GCFC2: variants seen among roughly 807,000 people sequenced by gnomAD.
The protein encoded by GCFC2 is GC-rich sequence DNA-binding factor 2, also known as intron Large complex component GCFC2.
A neutral mutation model predicts 99.4 loss-of-function variants in GCFC2; 102 were observed. The observed-to-expected ratio is 1.03, with a 90% CI of 0.87 to 1.21. The LOEUF is 1.21. Among genes scored for constraint, GCFC2 ranks in the 50% most tolerant of loss-of-function variants. The pLI, the probability that GCFC2 is intolerant of heterozygous loss-of-function variation, is 0.00. For synonymous variants in GCFC2, 338 were observed against 316.8 expected (o/e 1.07, Z -0.71); for missense variants, 973 against 920.9 (o/e 1.06, Z -0.73).
chr2:75,670,934 T>A (rs140062802), intron 14 of GCFC2: 2 of 152,252 alleles, frequency 1.3e-5, no homozygotes, highest in Non-Finnish European at 2.9e-5. Flanking sequence ...TCATTGTTGA[T>A]GTTGTTCCCT....
At chr2:75,701,412 A>T (rs1441281395) in intron 3 of GCFC2, 125 bp from the exon 4 acceptor site, 3 of 617,958 alleles carry the variant, frequency 4.9e-6, no homozygotes, top group Non-Finnish European at 8.6e-6. Flanking sequence ...TCTTCATAAT[A>T]ATTCTGGGAA....
At chr2:75,691,858 G>A in intron 7 of GCFC2, 119 bp downstream of exon 7, 1 of 397,792 alleles carries the variant, frequency 2.5e-6, no homozygotes, top group Non-Finnish European at 4.1e-6. Context: ...GAAGTTGGTG[G>A]GTAAAGGGTT....
intron 4 of GCFC2, among the ~76,000 whole-genome samples, chr2:75,700,271 C>T (rs1224462858): frequency 2.0e-5 from 3 of 152,026 alleles, no homozygotes; most frequent in African/African-American, 7.3e-5. Flanking sequence ...TTAAATAAAA[C>T]ACAAAACTAT....
At chr2:75,690,548 G>A (rs1444148307) in intron 8 of GCFC2, 90 bp downstream of exon 8, 69 of 750,846 alleles carry the variant, frequency 9.2e-5, no homozygotes, top group Non-Finnish European at 1.2e-4. Flanking sequence ...ATCAGGTATA[G>A]TTAATGACAT....
chr2:75,702,444 G>C (rs1021730322), intron 2 of GCFC2, 21 bp from the exon 3 acceptor site: 9 of 1,596,432 alleles, frequency 5.6e-6, no homozygotes, highest in Non-Finnish European at 7.7e-6. Context: ...CAAAGACGAG[G>C]ACACTAAAAA....
At chr2:75,698,126 G>C (rs926594451) in intron 4 of GCFC2, 2 of 152,152 alleles carry the variant, frequency 1.3e-5, no homozygotes, top group Non-Finnish European at 1.5e-5. Context: ...AAATAAGTGT[G>C]AGATTCCATT....
intron 7 of GCFC2, chr2:75,690,928 A>C: frequency 2.4e-6 from 1 of 411,106 alleles, no homozygotes; most frequent in South Asian, 3.8e-5. Flanking sequence ...TTAGCCTAAA[A>C]ATGTACTTTG....
chr2:75,693,478 T>C (rs572668796), intron 6 of GCFC2, among the ~76,000 whole-genome samples: 43 of 151,858 alleles, frequency 2.8e-4, no homozygotes, highest in Non-Finnish European at 6.0e-4. Flanking sequence ...ATAACAAAAA[T>C]GTGGAAAGTA....
In GCFC2 at chr2:75,692,110, A is replaced by T; in HGVS notation, c.1021-10T>A. On this transcript the variant is annotated splice_polypyrimidine_tract_variant and intron_variant, in intron 6 of 16. Coordinates refer to ENST00000321027, the MANE Select transcript of GCFC2 (RefSeq NM_003203.5). ...CTTGGATGTTGATAATCTGAAATAC[A>T]CATATAAGTAACATTTTGCAGGTCA... The T allele has an allele frequency of 7.4e-7, 1 of 1,359,308 alleles. No individual in the cohort carries two copies. Among genetic ancestry groups the T allele is most frequent in the Non-Finnish European group, 9.9e-7 (1 of 1,010,214 alleles). 84.2% of individuals were successfully genotyped at this position (1,359,308 alleles called of 1,614,324 possible).
In GCFC2 at chr2:75,670,170, G is replaced by C. The variant is rs777166372; in HGVS notation, c.2071C>G (p.Pro691Ala). 1.9e-6 allele frequency: 3 copies of C among 1,606,996 alleles called. No individual in the cohort carries two copies. In the Admixed American group the frequency reaches 5.0e-5, roughly 27 times the overall value. Residue 691 changes from proline to alanine, a missense_variant, in exon 15 of 17, where the codon CCT becomes GCT. Pro to Ala is a conservative substitution (Grantham distance 27, BLOSUM62 -1). Coordinates refer to ENST00000321027, the MANE Select transcript of GCFC2 (RefSeq NM_003203.5). ...YLIIALLNAT[P>A]GPDVVKKCNQ... ...CACTTTTTAACCACATCTGGCCCAG[G>C]TGTGGCATTGAGAAGTGCTATAATA...
chr2:75,696,061 TATG>T, intron 5 of GCFC2, 136 bp downstream of exon 5: 1 of 473,968 alleles, frequency 2.1e-6, no homozygotes, highest in Non-Finnish European at 3.9e-6. Context: ...ATTGTGTTAG[TATG>T]ATAACACAGG....
At chr2:75,701,639 A>G (rs1680595404) in intron 3 of GCFC2, 1 of 155,288 alleles carries the variant, frequency 6.4e-6, no homozygotes, top group Admixed American at 6.5e-5. Context: ...CTTATCAAAG[A>G]TCTCTCAATT....
intron 12 of GCFC2, among the ~76,000 whole-genome samples, chr2:75,675,930 T>C (rs1017395551): frequency 8.6e-5 from 13 of 151,988 alleles, no homozygotes; most frequent in Non-Finnish European, 1.8e-4. Context: ...CCTTTGTGTA[T>C]ATATATATAC....
chr2:75,688,519 A>G (rs1471031463), intron 10 of GCFC2, among the ~76,000 whole-genome samples: 1 of 152,116 alleles, frequency 6.6e-6, no homozygotes, highest in Non-Finnish European at 1.5e-5. Flanking sequence ...TCCTTAACTT[A>G]GGATCTAAAT....
rs1308475751 is a variant in GCFC2 at position 75,680,239 on chromosome 2, A to C, written c.1766T>G (p.Leu589Arg). Residue 589 changes from leucine to arginine, a missense_variant, in exon 12 of 17, where the codon CTT becomes CGT. Physicochemically the swap from Leu to Arg is moderately radical, Grantham distance 102. Coordinates refer to ENST00000321027, the MANE Select transcript of GCFC2 (RefSeq NM_003203.5). ...TSLITHCRVI[L>R]EEHSTCENEV... ...ATTTTCACAAGTGGAATGTTCTTCA[A>C]GAATCACTCTGCAATGTGTTATTAA... 6.2e-7 allele frequency: 1 copy of C among 1,605,892 alleles called. No homozygotes were observed. The highest frequency in any genetic ancestry group is 8.5e-7 in the Non-Finnish European group (1 of 1,172,946).
intron 15 of GCFC2, among the ~76,000 whole-genome samples, chr2:75,667,226 TTAACGTTATAG>T: frequency 6.6e-6 from 1 of 152,292 alleles, no homozygotes; most frequent in East Asian, 1.9e-4. Context: ...TACACTTTCA[TTAACGTTATAG>T]TAACGGGTTC....
chr2:75,698,961 G>C (rs999626925), intron 4 of GCFC2, among the ~76,000 whole-genome samples: 1 of 150,070 alleles, frequency 6.7e-6, no homozygotes, highest in African/African-American at 2.5e-5. Context: ...GCAGTGAGCC[G>C]AGATCATGCC....
Position 75,663,380 on chromosome 2 carries a change from T to C in GCFC2, c.*1286A>G, listed in dbSNP as rs1372001622. The C allele has an allele frequency of 2.0e-5, 3 of 152,242 alleles. No homozygotes were observed. The East Asian group carries it at 5.8e-4, about 29-fold the overall frequency. 9.4% of individuals were successfully genotyped at this position (152,242 alleles called of 1,614,324 possible). A position where few individuals can be genotyped will look rare whatever the true frequency, so the allele number is the denominator to read the frequency against. On this transcript the variant is annotated 3_prime_UTR_variant, in exon 17 of 17. Coordinates refer to ENST00000321027, the MANE Select transcript of GCFC2 (RefSeq NM_003203.5). ...AAACTAACATTTTTGGAAAATTTTCTTAATTTCTTTTGATTAAATTATCTT... is the reference window on the plus strand; with the variant it reads ...AAACTAACATTTTTGGAAAATTTTCCTAATTTCTTTTGATTAAATTATCTT...
chr2:75,664,986 G>A (rs187496840), intron 16 of GCFC2, among the ~76,000 whole-genome samples: 69 of 152,054 alleles, frequency 4.5e-4, no homozygotes, highest in African/African-American at 1.4e-3. Flanking sequence ...GATGTATTCT[G>A]GCAAATTTCA....
Sources: gnomAD v4.1 joint callset for allele counts (sites outside exome capture counted in the v4.1 genomes callset) on GRCh38, gnomAD v4.1.1 for gene constraint, MANE v1.5 for transcripts, NCBI Gene and HGNC (gene_info 2026-07-23, HGNC 2026-07-21) for gene names.